The following KIAA1549 variants were observed in gnomAD, a reference collection of about 807,000 sequenced individuals.
The protein encoded by KIAA1549 is KIAA1549, also known as UPF0606 protein KIAA1549.
A neutral mutation model predicts 156.4 loss-of-function variants in KIAA1549; 70 were observed. The ratio of observed to expected loss-of-function variants is 0.45; its 90% CI spans 0.37 to 0.55. The LOEUF is 0.55. Ranked by LOEUF, KIAA1549 falls within the 20% of genes least tolerant of loss-of-function variation. The pLI is 0.00. For missense variants in KIAA1549, 2,428 were observed against 2,540.9 expected (o/e 0.96, Z 0.96); for synonymous variants, 1,103 against 1,066.4 (o/e 1.03, Z -0.67).
chr7:138,890,527 A>G (rs1811518087), intron 10 of KIAA1549, among the ~76,000 whole-genome samples: 1 of 152,176 alleles, frequency 6.6e-6, no homozygotes, highest in African/African-American at 2.4e-5. Context: ...CCACACGGGC[A>G]CTCCCGTAAC....
intron 1 of KIAA1549, among the ~76,000 whole-genome samples, chr7:138,956,640 C>T (rs1813674607): frequency 6.6e-6 from 1 of 152,196 alleles, no homozygotes. Flanking sequence ...CACCTTCTGC[C>T]ATGATTGTGA....
chr7:138,847,137 T>C (rs971128536), intron 17 of KIAA1549, among the ~76,000 whole-genome samples: 3 of 152,242 alleles, frequency 2.0e-5, no homozygotes, highest in African/African-American at 7.2e-5. Context: ...CCCCCACCTT[T>C]TGCCAACATT....
At position 138,871,366 on chromosome 7, in the gene KIAA1549, G is replaced by T. The variant is rs1263156176; in HGVS notation, c.4346-4C>A. On this transcript the variant is annotated splice_polypyrimidine_tract_variant and splice_region_variant and intron_variant, in intron 12 of 19. Coordinates refer to ENST00000422774, the MANE Select transcript of KIAA1549 (RefSeq NM_001164665.2). ...CCCGAACTGGGCAGTGGTGGCCCTGGAACAGAAGGAAAAGCAAAACACATA... is the reference window on the plus strand; with the variant it reads ...CCCGAACTGGGCAGTGGTGGCCCTGTAACAGAAGGAAAAGCAAAACACATA... 2 of 1,507,838 alleles carry T rather than the reference G, an allele frequency of 1.3e-6. No individual in the cohort carries two copies. Among genetic ancestry groups the T allele is most frequent in the Non-Finnish European group, 1.8e-6 (2 of 1,130,228 alleles). The allele number at this position is 1,507,838 out of a possible 1,614,324, so 93.4% of individuals were successfully genotyped here.
Position 138,919,353 on chromosome 7 carries a change from T to C in KIAA1549, c.273A>G (p.Gln91=). 6.2e-7 allele frequency: 1 copy of C among 1,614,032 alleles called. No individual in the cohort carries two copies. Among genetic ancestry groups the C allele is most frequent in the Non-Finnish European group, 8.5e-7 (1 of 1,179,892 alleles). The change falls in exon 2 of 20, where the codon CAA becomes CAG. Residue 91 remains glutamine (Q), a synonymous_variant. Coordinates refer to ENST00000422774, the MANE Select transcript of KIAA1549 (RefSeq NM_001164665.2). The part of the protein sequence containing the change: ...LKKSTGHSAA[Q]VALTETAPGS... ...CGGGAGCAGTTTCTGTTAAGGCCAC[T>C]TGTGCAGCGCTGTGCCCAGTGCTTT...
In KIAA1549 at chr7:138,917,259, T is replaced by C. The variant is rs1812359094; in HGVS notation, c.2367A>G (p.Pro789=). Residue 789 remains proline, a synonymous_variant, in exon 2 of 20, where the codon CCA becomes CCG. Transcript: ENST00000422774. ...TGGGCGTTGTGTGGACAGTGGTCAA[T>C]GGTGATGTTGCTTGAATCCCGGCAG... ...ILTAGIQATS[P]LTTVHTTPIL... is the part of the protein sequence containing the mutation. The C allele has an allele frequency of 1.2e-6, 2 of 1,613,778 alleles. No homozygotes were observed. Among genetic ancestry groups the C allele is most frequent in the East Asian group, 2.2e-5 (1 of 44,876 alleles).
intron 1 of KIAA1549, among the ~76,000 whole-genome samples, chr7:138,933,323 A>T (rs910242750): frequency 1.1e-4 from 17 of 152,310 alleles, no homozygotes; most frequent in Non-Finnish European, 1.9e-4. Context: ...TGTTTCCTCT[A>T]CTCATGAGGA....
chr7:138,832,073 G>C lies in KIAA1549; in HGVS notation c.*5833C>G, dbSNP rs1809548362. On this transcript the variant is annotated 3_prime_UTR_variant, in exon 20 of 20. Transcript: ENST00000422774. The stretch of plus-strand genomic sequence containing the variant: ...TCAAGTTATGAATACTTGAAATCTG[G>C]TAAGTACAGGAAAGACTATTCGTGA... 1 of 230,572 alleles carries C rather than the reference G, an allele frequency of 4.3e-6. No homozygotes were observed. Among genetic ancestry groups the C allele is most frequent in the Admixed American group, 5.7e-5 (1 of 17,688 alleles). The allele number at this position is 230,572 out of a possible 1,614,324, so 14.3% of individuals were successfully genotyped here. A position where few individuals can be genotyped will look rare whatever the true frequency, so the allele number is the denominator to read the frequency against.
intron 15 of KIAA1549, among the ~76,000 whole-genome samples, chr7:138,862,978 C>A (rs1485249139): frequency 6.6e-6 from 1 of 152,140 alleles, no homozygotes; most frequent in Non-Finnish European, 1.5e-5. Flanking sequence ...TGTTCTATAC[C>A]TACTGCTTAA....
In KIAA1549 at chr7:138,918,045, G is replaced by A; in HGVS notation, c.1581C>T (p.Arg527=). 1 of 1,611,710 alleles carries A rather than the reference G, an allele frequency of 6.2e-7. No homozygotes were observed. The highest frequency in any genetic ancestry group is 8.5e-7 in the Non-Finnish European group (1 of 1,178,916). The change falls in exon 2 of 20, where the codon CGC becomes CGT. Residue 527 remains arginine (R), a synonymous_variant. Transcript: ENST00000422774. The surrounding 1 kb of genome is among the most constrained non-coding windows in gnomAD (Gnocchi z 4.2). The stretch of plus-strand genomic sequence containing the variant: ...GATCAAGTGACGCCGGCACAGAGAG[G>A]CGGCCGTGGGCAGGGGGAACCTGTG... ...TTTQVPPAHG[R]LSVPASLDPT...
chr7:138,949,162 T>C (rs1813420933), intron 1 of KIAA1549, among the ~76,000 whole-genome samples: 1 of 152,184 alleles, frequency 6.6e-6, no homozygotes, highest in African/African-American at 2.4e-5. Context: ...GAGACATCTG[T>C]CTACCAAGGG....
In KIAA1549 at chr7:138,871,205, G is replaced by A; in HGVS notation, c.4503C>T (p.Arg1501=). The A allele has an allele frequency of 6.2e-7, 1 of 1,613,388 alleles. No homozygotes were observed. The highest frequency in any genetic ancestry group is 8.5e-7 in the Non-Finnish European group (1 of 1,179,896). Residue 1501 remains arginine, a synonymous_variant, in exon 13 of 20, where the codon CGC becomes CGT. Coordinates refer to ENST00000422774, the MANE Select transcript of KIAA1549 (RefSeq NM_001164665.2). The stretch of plus-strand genomic sequence containing the variant: ...CCGCCACTCGGTCGGCTGGGGAGGG[G>A]CGCTGGACGGGAGGTGCCGGGATCG... ...MQPIPAPPVQ[R]PSPADRVAES...
At chr7:138,891,628 A>G (rs912160718) in intron 10 of KIAA1549, among the ~76,000 whole-genome samples, 6 of 152,210 alleles carry the variant, frequency 3.9e-5, no homozygotes, top group African/African-American at 1.4e-4. Flanking sequence ...CCTTCTCGTT[A>G]CGAGGGGAAG....
chr7:138,907,047 T>C lies in KIAA1549; in HGVS notation c.3332A>G (p.Asn1111Ser). Residue 1111 changes from asparagine (N) to serine (S), a missense_variant, in exon 6 of 20, where the codon AAT becomes AGT. Asn to Ser is a conservative substitution (Grantham distance 46). Coordinates refer to ENST00000422774, the MANE Select transcript of KIAA1549 (RefSeq NM_001164665.2). ...TGTGCTTTTAACCGCAAAGATGATA[T>C]TCACCGGGCCCCGCCGAGGAGTCAC... ...SRVTPRRGPV[N>S]IIFAVKSTQG... 1.9e-6 allele frequency: 3 copies of C among 1,613,278 alleles called. No individual in the cohort carries two copies. Among genetic ancestry groups the C allele is most frequent in the Non-Finnish European group, 2.5e-6 (3 of 1,179,650 alleles).
rs769427032 is a variant in KIAA1549 at position 138,869,688 on chromosome 7, C to A, written c.4625G>T (p.Arg1542Leu). The A allele has an allele frequency of 1.2e-6, 2 of 1,612,366 alleles. No homozygotes were observed. The highest frequency in any genetic ancestry group is 1.7e-6 in the Non-Finnish European group (2 of 1,179,864). ...TACCACCGGGAACTCGTAGTGCCCGCGGCGCTTGGCGCGCAGGCGGATCTT... is the reference window on the plus strand; with the variant it reads ...TACCACCGGGAACTCGTAGTGCCCGAGGCGCTTGGCGCGCAGGCGGATCTT... Reference protein sequence around the residue: ...RNKIRLRAKRRGHYEFPVVDD... With the variant: ...RNKIRLRAKRLGHYEFPVVDD... Residue 1542 changes from arginine to leucine, a missense_variant, in exon 14 of 20, where the codon CGC (arginine) becomes CTC (leucine). By Grantham distance (102) the Arg-to-Leu change is moderately radical (BLOSUM62 -2). Around this residue, in one of 5 missense-constraint regions of KIAA1549, gnomAD observed 404 missense variants for 417.0 expected, o/e 0.97. Coordinates refer to ENST00000422774, the MANE Select transcript of KIAA1549 (RefSeq NM_001164665.2).
At chr7:138,882,318 C>G (rs529128999) in intron 10 of KIAA1549, among the ~76,000 whole-genome samples, 1 of 152,036 alleles carries the variant, frequency 6.6e-6, no homozygotes, top group Non-Finnish European at 1.5e-5. Context: ...ACAAGAGAGG[C>G]AAAGGAAGAG....
At chr7:138,979,939 T>C (rs1764658893) in intron 1 of KIAA1549, among the ~76,000 whole-genome samples, 1 of 152,272 alleles carries the variant, frequency 6.6e-6, no homozygotes, top group South Asian at 2.1e-4. Flanking sequence ...GTAAGCAGAG[T>C]GGACCTGTTC....
In KIAA1549 at chr7:138,918,755, G is replaced by C. The variant is rs1355698383; in HGVS notation, c.871C>G (p.Gln291Glu). ...LFLSSRSLMP[Q>E]PLGDGITIPL... ...ATAGTAATGCCGTCGCCTAACGGCT[G>C]TGGCATTAAAGACCGGGAGCTTAAA... The change falls in exon 2 of 20, where the codon CAG (glutamine) becomes GAG (glutamate). Residue 291 changes from glutamine to glutamate, a missense_variant. Physicochemically the swap from Gln to Glu is conservative, Grantham distance 29. Transcript: ENST00000422774. This position sits in a 1 kb window ranked among gnomAD's most constrained non-coding sequence, Gnocchi z 4.2. The C allele has an allele frequency of 1.2e-6, 2 of 1,613,864 alleles. No homozygotes were observed. The highest frequency in any genetic ancestry group is 1.7e-6 in the Non-Finnish European group (2 of 1,179,860).
At position 138,903,732 on chromosome 7, in the gene KIAA1549, G is replaced by C; in HGVS notation, c.3525C>G (p.Leu1175=). The change falls in exon 8 of 20, where the codon CTC becomes CTG. Residue 1175 remains leucine (L), a synonymous_variant. Transcript: ENST00000422774. The part of the protein sequence containing the change: ...LLKSSWVRTV[L]LGVMEKQLQN... The stretch of plus-strand genomic sequence containing the variant: ...GGAGTTGCTTCTCCATGACGCCCAG[G>C]AGAACTACATTTAAATGAAAACATA... 6.3e-7 allele frequency: 1 copy of C among 1,590,880 alleles called. No individual in the cohort carries two copies. Among genetic ancestry groups the C allele is most frequent in the Non-Finnish European group, 8.6e-7 (1 of 1,168,588 alleles).
rs61734132 is a variant in KIAA1549 at position 138,917,686 on chromosome 7, G to C, written c.1940C>G (p.Ser647Cys). 104,941 of 1,609,428 alleles carry C rather than the reference G, an allele frequency of 0.065. 3,863 individuals carry two copies. The highest frequency in any genetic ancestry group is 0.13 in the South Asian group (11,426 of 90,316). ...SISSPSEAPA[S>C]LSLMPSDLSP... is the part of the protein sequence containing the mutation. ...CAAGTCACTCGGCATCAGAGACAGAGACGCAGGTGCTTCCGAAGGCGAAGA... is the reference window on the plus strand; with the variant it reads ...CAAGTCACTCGGCATCAGAGACAGACACGCAGGTGCTTCCGAAGGCGAAGA... The change falls in exon 2 of 20, where the codon TCT becomes TGT. Residue 647 changes from serine (S) to cysteine (C), a missense_variant. Physicochemically the swap from Ser to Cys is moderately radical, Grantham distance 112. Transcript: ENST00000422774.
Sources: allele counts gnomAD v4.1 joint callset (sites outside exome capture counted in the v4.1 genomes callset), GRCh38; gene constraint gnomAD v4.1.1; regional missense constraint gnomAD v4.1.1; non-coding constraint Gnocchi (gnomAD v3.1); transcripts MANE v1.5; gene names NCBI Gene and HGNC (gene_info 2026-07-23, HGNC 2026-07-21).